ZNF804B: variants seen among roughly 807,000 people sequenced by gnomAD.
ZNF804B encodes zinc finger 804B.
Under a neutral mutation model 101.4 loss-of-function variants are expected in ZNF804B, and 80 were observed. That is an observed-to-expected ratio of 0.79 (90% confidence interval 0.66 to 0.95). ZNF804B has a LOEUF of 0.95. ZNF804B is among the 40% of genes least tolerant of loss of function. The probability of loss-of-function intolerance (pLI) is 0.00; values close to 1 mark genes in which losing one functional copy is unlikely to be tolerated. For synonymous variants in ZNF804B, 622 were observed against 558.8 expected (o/e 1.11, Z -1.59); for missense variants, 1,673 against 1,561.9 (o/e 1.07, Z -1.20).
intron 1 of ZNF804B, among the ~76,000 whole-genome samples, chr7:89,150,835 A>G (rs1012322375): frequency 6.6e-6 from 1 of 152,196 alleles, no homozygotes; most frequent in African/African-American, 2.4e-5. Context: ...CTTCCCAGAG[A>G]GCATGGTAGG....
chr7:89,223,848 C>T (rs1368835773), intron 2 of ZNF804B, among the ~76,000 whole-genome samples: 1 of 151,906 alleles, frequency 6.6e-6, no homozygotes, highest in Non-Finnish European at 1.5e-5. Context: ...AACTCAATAT[C>T]TTAGCTATTG....
chr7:89,311,683 A>G (rs1465564280), intron 2 of ZNF804B, among the ~76,000 whole-genome samples: 1 of 152,196 alleles, frequency 6.6e-6, no homozygotes, highest in East Asian at 1.9e-4. Context: ...CATGGCAATT[A>G]AAAGCCCTGT....
intron 1 of ZNF804B, among the ~76,000 whole-genome samples, chr7:89,194,793 C>A (rs1425098830): frequency 2.7e-5 from 4 of 150,898 alleles, no homozygotes; most frequent in Non-Finnish European, 1.5e-5. Context: ...CTTGGCGATG[C>A]GGGCTCTTTT....
Position 89,187,709 on chromosome 7 carries a change from G to A in ZNF804B, c.109-30446G>A, listed in dbSNP as rs117840771. On this transcript the variant is annotated intron_variant, in intron 1 of 3. Transcript: ENST00000333190. ...CTGAATATTCAGATTCCTTTCCCTC[G>A]AATTCTTGTCTCACTTTCATATTTT... Among the ~76,000 whole-genome samples the A allele has an allele frequency of 1.5e-3, 227 of 152,134 alleles. 1 individual carries two copies. Among genetic ancestry groups the A allele is most frequent in the South Asian group, 3.1e-3 (15 of 4,820 alleles).
At chr7:89,280,671 C>A (rs1412206626) in intron 2 of ZNF804B, among the ~76,000 whole-genome samples, 1 of 150,548 alleles carries the variant, frequency 6.6e-6, no homozygotes, top group Non-Finnish European at 1.5e-5. Context: ...TGGATAAATT[C>A]CTCGACACAT....
intron 2 of ZNF804B, among the ~76,000 whole-genome samples, chr7:89,298,216 G>GTGTGTATA (rs1421058768): frequency 3.6e-4 from 10 of 27,516 alleles, no homozygotes; most frequent in African/African-American, 1.6e-3. Context: ...GTGTGTGTGT[G>GTGTGTATA]TATATATATA....
intron 1 of ZNF804B, among the ~76,000 whole-genome samples, chr7:88,798,261 T>A (rs1330774500): frequency 6.6e-6 from 1 of 152,214 alleles, no homozygotes; most frequent in Non-Finnish European, 1.5e-5. Context: ...TTTCCTTTTA[T>A]TTCATATATC....
intron 1 of ZNF804B, among the ~76,000 whole-genome samples, chr7:88,858,648 C>T (rs78529339): frequency 6.6e-6 from 1 of 151,758 alleles, no homozygotes; most frequent in Non-Finnish European, 1.5e-5. Flanking sequence ...CAAGTACAGA[C>T]ATGATTAAAA....
intron 1 of ZNF804B, among the ~76,000 whole-genome samples, chr7:88,876,407 C>T (rs1791939574): frequency 6.6e-6 from 1 of 152,104 alleles, no homozygotes; most frequent in Non-Finnish European, 1.5e-5. Context: ...TGAGTCTAGG[C>T]TTCTTTAATT....
At chr7:88,859,253 G>A (rs1225350581) in intron 1 of ZNF804B, among the ~76,000 whole-genome samples, 1 of 151,744 alleles carries the variant, frequency 6.6e-6, no homozygotes, top group Non-Finnish European at 1.5e-5. Flanking sequence ...GTAGTGTTTT[G>A]TCTATATTTA....
At chr7:89,114,094 C>CA (rs1790272411) in intron 1 of ZNF804B, among the ~76,000 whole-genome samples, 1 of 151,670 alleles carries the variant, frequency 6.6e-6, no homozygotes, top group Non-Finnish European at 1.5e-5. Context: ...AAACCTTAGC[C>CA]AAAAAATAAA....
intron 1 of ZNF804B, among the ~76,000 whole-genome samples, chr7:89,000,073 A>G (rs148838539): frequency 7.2e-5 from 11 of 152,102 alleles, no homozygotes; most frequent in African/African-American, 2.6e-4. Flanking sequence ...TTGGCATGAC[A>G]TAGACTGTGT....
intron 1 of ZNF804B, among the ~76,000 whole-genome samples, chr7:89,179,072 G>T (rs1432112190): frequency 6.6e-6 from 1 of 152,008 alleles, no homozygotes; most frequent in Non-Finnish European, 1.5e-5. Context: ...TGTTTCTTTT[G>T]TCACTTTTAG....
intron 1 of ZNF804B, among the ~76,000 whole-genome samples, chr7:88,822,821 C>G (rs7802143): frequency 0.5 from 75,596 of 152,048 alleles, 20,609 homozygotes; most frequent in East Asian, 0.81. Flanking sequence ...ATTATTTTGA[C>G]AGAGTCCTCT....
rs187151635 is a variant in ZNF804B, at chr7:89,277,856, T to C, written c.250-49488T>C. 3.8e-3 allele frequency among the ~76,000 whole-genome samples: 577 copies of C among 152,190 alleles called. 3 individuals carry two copies. The highest frequency in any genetic ancestry group is 0.013 in the African/African-American group (554 of 41,518). On this transcript the variant is annotated intron_variant, in intron 2 of 3. Coordinates refer to ENST00000333190, the MANE Select transcript of ZNF804B (RefSeq NM_181646.5). ...GCAGCATGATTTATAATCCTTTGGG[T>C]ATATACCCAGTAATGGGATGGCTGG...
At chr7:88,783,247 G>A (rs1790255921) in intron 1 of ZNF804B, among the ~76,000 whole-genome samples, 1 of 152,124 alleles carries the variant, frequency 6.6e-6, no homozygotes, top group African/African-American at 2.4e-5. Context: ...TGTGCTTTGT[G>A]AGATTGTAGA....
At chr7:88,903,233 G>T (rs1298411864) in intron 1 of ZNF804B, among the ~76,000 whole-genome samples, 3 of 151,980 alleles carry the variant, frequency 2.0e-5, no homozygotes, top group African/African-American at 7.2e-5. Flanking sequence ...TGTCTTAGGG[G>T]ATTATGGCCT....
At chr7:89,058,401 T>C (rs1182606978) in intron 1 of ZNF804B, among the ~76,000 whole-genome samples, 6 of 118,576 alleles carry the variant, frequency 5.1e-5, no homozygotes, top group Admixed American at 4.8e-4. Context: ...AATTTTATAT[T>C]GATATTATCA....
intron 1 of ZNF804B, among the ~76,000 whole-genome samples, chr7:88,956,404 G>T (rs370201940): frequency 2.7e-5 from 4 of 150,830 alleles, no homozygotes; most frequent in East Asian, 3.9e-4. Flanking sequence ...ATAAATAAAA[G>T]AAAATTTCAA....
Sources: allele counts gnomAD v4.1 joint callset (sites outside exome capture counted in the v4.1 genomes callset), GRCh38; gene constraint gnomAD v4.1.1; transcripts MANE v1.5; gene names NCBI Gene and HGNC (gene_info 2026-07-23, HGNC 2026-07-21).